The following ABLIM2 variants were observed in gnomAD, a reference collection of about 807,000 sequenced individuals.
The protein encoded by ABLIM2 is actin-binding LIM protein 2.
A neutral mutation model predicts 97.7 loss-of-function variants in ABLIM2; 53 were observed. The ratio of observed to expected loss-of-function variants is 0.54; its 90% CI spans 0.44 to 0.68. The LOEUF (loss-of-function observed/expected upper bound fraction) is 0.68. Ranked by LOEUF, ABLIM2 falls within the 30% of genes least tolerant of loss-of-function variation. ABLIM2 has a pLI of 0.00. For synonymous variants in ABLIM2, 361 were observed against 345.8 expected, an observed-to-expected ratio of 1.04 and a Z score of -0.49; for missense variants, 835 against 867.2, an observed-to-expected ratio of 0.96 and a Z score of 0.47.
rs1450378200 is a variant in ABLIM2, at chr4:8,116,460, G to A, written c.11-9823C>T. Among the ~76,000 whole-genome samples, 7 of 152,176 alleles carry A rather than the reference G, an allele frequency of 4.6e-5. No individual in the cohort carries two copies. In the East Asian group the frequency reaches 9.6e-4, roughly 21 times the overall value. ...GGGCTTACACAAGATGCCCAGGAAC[G>A]GGTTCTCTAAATCCGTGGGTTTCCA... On this transcript the variant is annotated intron_variant, in intron 1 of 20. Transcript: ENST00000447017.
rs372469192 is a variant in ABLIM2, at chr4:8,027,749, C to T, written c.1267+10G>A. On this transcript the variant is annotated intron_variant, in intron 12 of 20. Coordinates refer to ENST00000447017, the MANE Select transcript of ABLIM2 (RefSeq NM_001130083.2). ...TGAGCACCCACAGCCCACATCACTGCGTGCCTTACCTCGGAAGTAGGGGAT... is the reference window on the plus strand; with the variant it reads ...TGAGCACCCACAGCCCACATCACTGTGTGCCTTACCTCGGAAGTAGGGGAT... The T allele has an allele frequency of 1.7e-5, 27 of 1,566,928 alleles. No individual in the cohort carries two copies. Among genetic ancestry groups the T allele is most frequent in the South Asian group, 7.2e-5 (6 of 83,580 alleles).
chr4:8,008,088 T>C lies in ABLIM2; in HGVS notation c.1589A>G (p.Gln530Arg), dbSNP rs1322498611. ...HSSGTDRDPL[Q>R]RMAGDSFHSR... ...GTGAAAGCTGTCCCCTGCCATCCTT[T>C]GGAGAGGGTCTCTGTCGGTCCCGCT... The change falls in exon 16 of 21, where the codon CAA (glutamine) becomes CGA (arginine). Residue 530 changes from glutamine to arginine, a missense_variant. Physicochemically the swap from Gln to Arg is conservative, Grantham distance 43. Coordinates refer to ENST00000447017, the MANE Select transcript of ABLIM2 (RefSeq NM_001130083.2). 6 of 1,613,930 alleles carry C rather than the reference T, an allele frequency of 3.7e-6. No homozygotes were observed. Among genetic ancestry groups the C allele is most frequent in the Non-Finnish European group, 5.1e-6 (6 of 1,179,904 alleles).
At chr4:7,993,130 C>A (rs1213753552) in intron 16 of ABLIM2, among the ~76,000 whole-genome samples, 1 of 152,208 alleles carries the variant, frequency 6.6e-6, no homozygotes, top group Non-Finnish European at 1.5e-5. Flanking sequence ...GGGGTAATGT[C>A]CTGAGCCTGC....
In ABLIM2 at chr4:8,124,378, A is replaced by G. The variant is rs1208446587; in HGVS notation, c.11-17741T>C. On this transcript the variant is annotated intron_variant, in intron 1 of 20. Coordinates refer to ENST00000447017, the MANE Select transcript of ABLIM2 (RefSeq NM_001130083.2). The surrounding 1 kb of genome is among the most constrained non-coding windows in gnomAD (Gnocchi z 6.1). ...CCATAATCCATTTTAGAAAATTTCC[A>G]TCACCCCAAAAAGAAATGCTGCATC... 3.3e-5 allele frequency among the ~76,000 whole-genome samples: 5 copies of G among 152,134 alleles called. No homozygotes were observed. Among genetic ancestry groups the G allele is most frequent in the African/African-American group, 1.2e-4 (5 of 41,430 alleles).
intron 1 of ABLIM2, among the ~76,000 whole-genome samples, chr4:8,156,783 G>C (rs1715507955): frequency 6.6e-6 from 1 of 152,244 alleles, no homozygotes; most frequent in Non-Finnish European, 1.5e-5. Flanking sequence ...TGTCCTGCCA[G>C]ACATACACAG....
At position 8,140,480 on chromosome 4, in the gene ABLIM2, C is replaced by T. The variant is rs967860519; in HGVS notation, c.10+18200G>A. ...ACCACCTGGAGGCTTGGAAACCTGGCGGGGAGCATGGGGGAAAGGGGGCAG... is the reference window on the plus strand; with the variant it reads ...ACCACCTGGAGGCTTGGAAACCTGGTGGGGAGCATGGGGGAAAGGGGGCAG... On this transcript the variant is annotated intron_variant, in intron 1 of 20. Coordinates refer to ENST00000447017, the MANE Select transcript of ABLIM2 (RefSeq NM_001130083.2). The surrounding 1 kb of genome is among the most constrained non-coding windows in gnomAD (Gnocchi z 5.9). Among the ~76,000 whole-genome samples, 3 of 150,984 alleles carry T rather than the reference C, an allele frequency of 2.0e-5. No individual in the cohort carries two copies. Among genetic ancestry groups the T allele is most frequent in the Non-Finnish European group, 3.0e-5 (2 of 67,716 alleles).
chr4:8,084,449 G>T (rs181443837), intron 4 of ABLIM2, among the ~76,000 whole-genome samples: 2 of 152,164 alleles, frequency 1.3e-5, no homozygotes, highest in Admixed American at 1.3e-4. Flanking sequence ...TCTGGTTTGG[G>T]CACCCACCCT....
chr4:8,045,312 A>G, intron 8 of ABLIM2, 71 bp from the exon 9 acceptor site: 3 of 1,371,868 alleles, frequency 2.2e-6, no homozygotes, highest in Admixed American at 1.7e-5. Context: ...GACTGTCAGG[A>G]GTTCCACTCC....
rs545631166 is a variant in ABLIM2, at chr4:8,082,868, C to T, written c.455-2066G>A. Among the ~76,000 whole-genome samples, 4 of 152,330 alleles carry T rather than the reference C, an allele frequency of 2.6e-5. No individual in the cohort carries two copies. Among genetic ancestry groups the T allele is most frequent in the Admixed American group, 2.0e-4 (3 of 15,308 alleles). On this transcript the variant is annotated intron_variant, in intron 4 of 20. Coordinates refer to ENST00000447017, the MANE Select transcript of ABLIM2 (RefSeq NM_001130083.2). The surrounding 1 kb of genome is among the most constrained non-coding windows in gnomAD (Gnocchi z 5.6). ...CCTGTGTCTCTGCAGAGTCAGACGA[C>T]GCACAGCCCTGACTTAGCCTCCTGG...
chr4:8,153,862 C>A (rs369977783), intron 1 of ABLIM2, among the ~76,000 whole-genome samples: 1 of 152,200 alleles, frequency 6.6e-6, no homozygotes, highest in Non-Finnish European at 1.5e-5. Flanking sequence ...TGGGCACCGA[C>A]GGCACTTCCC....
intron 1 of ABLIM2, among the ~76,000 whole-genome samples, chr4:8,111,926 CAAAA>C (rs59261859): frequency 8.2e-6 from 1 of 121,276 alleles, no homozygotes; most frequent in Non-Finnish European, 1.6e-5. Flanking sequence ...GACTCTGTCT[CAAAA>C]AAAAAAAAAA....
At chr4:8,014,484 ATG>A (rs143407302) in intron 14 of ABLIM2, among the ~76,000 whole-genome samples, 2 of 151,654 alleles carry the variant, frequency 1.3e-5, no homozygotes, top group Non-Finnish European at 2.9e-5. Flanking sequence ...GAGGGAGAGA[ATG>A]TGTGTGTGTG....
chr4:8,036,298 G>C lies in ABLIM2; in HGVS notation c.901-3C>G. 2 of 1,613,474 alleles carry C rather than the reference G, an allele frequency of 1.2e-6. No individual in the cohort carries two copies. The highest frequency in any genetic ancestry group is 1.7e-6 in the Non-Finnish European group (2 of 1,179,578). On this transcript the variant is annotated splice_polypyrimidine_tract_variant and splice_region_variant and intron_variant, in intron 9 of 20. Transcript: ENST00000447017. Reference sequence around the variant, plus strand: ...AGGATCTCACCACCAAGCTTGGCCTGAGAGGGGAAAGAGAATTGGGGAGGG... The same window carrying C: ...AGGATCTCACCACCAAGCTTGGCCTCAGAGGGGAAAGAGAATTGGGGAGGG...
At chr4:8,119,863 A>G (rs1197396947) in intron 1 of ABLIM2, among the ~76,000 whole-genome samples, 1 of 152,132 alleles carries the variant, frequency 6.6e-6, no homozygotes, top group Non-Finnish European at 1.5e-5. Context: ...CTAAGGGGTC[A>G]GGGGAGGGGT....
chr4:8,113,835 A>G lies in ABLIM2; in HGVS notation c.11-7198T>C, dbSNP rs1841500823. On this transcript the variant is annotated intron_variant, in intron 1 of 20. Coordinates refer to ENST00000447017, the MANE Select transcript of ABLIM2 (RefSeq NM_001130083.2). The surrounding 1 kb of genome is among the most constrained non-coding windows in gnomAD (Gnocchi z 4.5). ...TCCCGGCTCACCCAGAGCGGGTCAC[A>G]GGACACACAGTTCCAGCTTCCCTTT... Among the ~76,000 whole-genome samples the G allele has an allele frequency of 6.6e-6, 1 of 152,236 alleles. No individual in the cohort carries two copies. Among genetic ancestry groups the G allele is most frequent in the South Asian group, 2.1e-4 (1 of 4,830 alleles).
chr4:7,991,653 T>C (rs1201767795), intron 17 of ABLIM2, among the ~76,000 whole-genome samples: 1 of 152,210 alleles, frequency 6.6e-6, no homozygotes, highest in Non-Finnish European at 1.5e-5. Context: ...GCGTGCCACA[T>C]GCATGGTCCC....
rs13116608 is a variant in ABLIM2, at chr4:8,112,163, T to C, written c.11-5526A>G. Among the ~76,000 whole-genome samples, 72,666 of 151,852 alleles carry C rather than the reference T, an allele frequency of 0.48. 18,789 individuals carry two copies. The highest frequency in any genetic ancestry group is 0.64 in the East Asian group (3,287 of 5,136). On this transcript the variant is annotated intron_variant, in intron 1 of 20. Transcript: ENST00000447017. This position sits in a 1 kb window ranked among gnomAD's most constrained non-coding sequence, Gnocchi z 4.2. ...GCCCCACCGGGAATAACAAAAATGA[T>C]TGCTGGTGTCGTTAACACACAACCT...
At position 8,053,807 on chromosome 4, in the gene ABLIM2, C is replaced by T. The variant is rs551238186; in HGVS notation, c.822+381G>A. Among the ~76,000 whole-genome samples, 9 of 152,012 alleles carry T rather than the reference C, an allele frequency of 5.9e-5. No individual in the cohort carries two copies. The South Asian group carries it at 1.9e-3, about 32-fold the overall frequency. ...GGGTTAGTTATCTCGGGAGTTTGGC[C>T]CCTTTTTCCTCTTTGTTCATGAGTT... On this transcript the variant is annotated intron_variant, in intron 8 of 20. Coordinates refer to ENST00000447017, the MANE Select transcript of ABLIM2 (RefSeq NM_001130083.2).
At chr4:8,055,930 T>A (rs183451186) in intron 7 of ABLIM2, among the ~76,000 whole-genome samples, 83 of 152,114 alleles carry the variant, frequency 5.5e-4, no homozygotes, top group African/African-American at 1.5e-3. Context: ...CTGGCCAACA[T>A]GGTGAAACCC....
Sources: gnomAD v4.1 joint callset for allele counts (sites outside exome capture counted in the v4.1 genomes callset) on GRCh38, gnomAD v4.1.1 for gene constraint, Gnocchi (gnomAD v3.1) non-coding constraint, MANE v1.5 for transcripts, NCBI Gene and HGNC (gene_info 2026-07-23, HGNC 2026-07-21) for gene names.